Variants in HCN3 observed in about 807,000 individuals in gnomAD.
The protein encoded by HCN3 is hyperpolarization activated cyclic nucleotide gated potassium channel 3.
HCN3 carries 36 observed loss-of-function variants against 56.8 expected under a neutral mutation model. That is an observed-to-expected ratio of 0.63 (90% CI 0.49 to 0.84). HCN3 has a LOEUF of 0.84. Ranked by LOEUF, HCN3 falls within the 40% of genes least tolerant of loss-of-function variation. HCN3 has a pLI of 0.00. For missense variants in HCN3, 930 were observed against 1,079.3 expected, an observed-to-expected ratio of 0.86 and a Z score of 1.94; for synonymous variants, 425 against 439.7, an observed-to-expected ratio of 0.97 and a Z score of 0.42.
At position 155,285,742 on chromosome 1, in the gene HCN3, T is replaced by G. The variant is rs759132143; in HGVS notation, c.1255T>G (p.Cys419Gly). 49 of 1,614,034 alleles carry G rather than the reference T, an allele frequency of 3.0e-5. No homozygotes were observed. The Admixed American group carries it at 3.5e-4, about 12-fold the overall frequency. ...PLREEIINFT[C>G]RGLVAHMPLF... ...TGTCCAGGAGATCATTAACTTCACCTGTCGGGGCCTGGTGGCCCACATGCC... is the reference window on the plus strand; with the variant it reads ...TGTCCAGGAGATCATTAACTTCACCGGTCGGGGCCTGGTGGCCCACATGCC... The change falls in exon 6 of 8, where the codon TGT (cysteine) becomes GGT (glycine). Residue 419 changes from cysteine (C) to glycine (G), a missense_variant. By Grantham distance (159) the Cys-to-Gly change is radical. Coordinates refer to ENST00000368358, the MANE Select transcript of HCN3 (RefSeq NM_020897.3). This position sits in a 1 kb window ranked among gnomAD's most constrained non-coding sequence, Gnocchi z 4.5.
intron 7 of HCN3, 111 bp from the exon 8 acceptor site, chr1:155,287,670 C>A: frequency 1.5e-6 from 2 of 1,353,488 alleles, no homozygotes; most frequent in Non-Finnish European, 2.0e-6. Flanking sequence ...TGACTCCCAT[C>A]CCCTACCCTC....
rs752422015 is a variant in HCN3 at position 155,282,675 on chromosome 1, C to T, written c.543C>T (p.Ile181=). The change falls in exon 2 of 8, where the codon ATC becomes ATT. Residue 181 remains isoleucine (I), a synonymous_variant. Coordinates refer to ENST00000368358, the MANE Select transcript of HCN3 (RefSeq NM_020897.3). This position sits in a 1 kb window ranked among gnomAD's most constrained non-coding sequence, Gnocchi z 4.7. Reference sequence around the variant, plus strand: ...TCCTGGTTGACCTCATCTCTTCTATCCCTGTGGATTACATCTTCCTAGTGG... The same window carrying T: ...TCCTGGTTGACCTCATCTCTTCTATTCCTGTGGATTACATCTTCCTAGTGG... The part of the protein sequence containing the change: ...TWFLVDLISS[I]PVDYIFLVVE... The T allele has an allele frequency of 6.2e-7, 1 of 1,614,238 alleles. No homozygotes were observed. Among genetic ancestry groups the T allele is most frequent in the Non-Finnish European group, 8.5e-7 (1 of 1,180,052 alleles).
At position 155,285,346 on chromosome 1, in the gene HCN3, C is replaced by T; in HGVS notation, c.1236+35C>T. On this transcript the variant is annotated intron_variant, in intron 5 of 7. Coordinates refer to ENST00000368358, the MANE Select transcript of HCN3 (RefSeq NM_020897.3). The surrounding 1 kb of genome is among the most constrained non-coding windows in gnomAD (Gnocchi z 4.5). Reference sequence around the variant, plus strand: ...GGTTGGGCCTGGAAGGGGGGCTCTTCAGGGACCTGGAGTGCTGTCTGGTGG... The same window carrying T: ...GGTTGGGCCTGGAAGGGGGGCTCTTTAGGGACCTGGAGTGCTGTCTGGTGG... 6.2e-7 allele frequency: 1 copy of T among 1,610,188 alleles called. No homozygotes were observed. The highest frequency in any genetic ancestry group is 8.5e-7 in the Non-Finnish European group (1 of 1,177,752).
Position 155,287,819 on chromosome 1 carries a change from C to A in HCN3, c.1681C>A (p.Pro561Thr). Residue 561 changes from proline to threonine, a missense_variant, in exon 8 of 8, where the codon CCA (proline) becomes ACA (threonine). Transcript: ENST00000368358. ...NSILQRKRSEPSPGSSGGIME... is the reference protein window; with the variant it reads ...NSILQRKRSETSPGSSGGIME... ...CATACTGCAGCGGAAGCGCTCCGAG[C>A]CAAGTCCAGGCAGCAGTGGTGGCAT... 6.2e-7 allele frequency: 1 copy of A among 1,605,970 alleles called. No homozygotes were observed. The highest frequency in any genetic ancestry group is 8.5e-7 in the Non-Finnish European group (1 of 1,174,410).
intron 6 of HCN3, 111 bp downstream of exon 6, chr1:155,286,075 G>C (rs1296277162): frequency 2.3e-5 from 33 of 1,418,064 alleles, no homozygotes; most frequent in Non-Finnish European, 2.9e-5. Context: ...CAGAGCTCCA[G>C]CCCCTCCCCA....
In HCN3 at chr1:155,285,925, G is replaced by T; in HGVS notation, c.1438G>T (p.Ala480Ser). ...GCTGCTCAGTGTGCTGGCCCGCGGC[G>T]CCCGGGACACACGCCTCACCGATGG... ...HGLLSVLARG[A>S]RDTRLTDGSY... Residue 480 changes from alanine to serine, a missense_variant, in exon 6 of 8, where the codon GCC becomes TCC. Coordinates refer to ENST00000368358, the MANE Select transcript of HCN3 (RefSeq NM_020897.3). This position sits in a 1 kb window ranked among gnomAD's most constrained non-coding sequence, Gnocchi z 4.5. 1 of 1,605,040 alleles carries T rather than the reference G, an allele frequency of 6.2e-7. No homozygotes were observed. The highest frequency in any genetic ancestry group is 1.7e-5 in the Admixed American group (1 of 59,728).
intron 2 of HCN3, among the ~76,000 whole-genome samples, chr1:155,283,099 A>G (rs1160218227): frequency 1.3e-5 from 2 of 152,082 alleles, no homozygotes; most frequent in African/African-American, 2.4e-5. Context: ...CAGCTGCCGG[A>G]CACACTTTAG....
chr1:155,283,367 T>C (rs1422274163), intron 2 of HCN3, among the ~76,000 whole-genome samples: 1 of 152,100 alleles, frequency 6.6e-6, no homozygotes, highest in African/African-American at 2.4e-5. Flanking sequence ...GTCTAGCACA[T>C]ACTAAGTTCT....
Position 155,288,847 on chromosome 1 carries a change from G to A in HCN3, c.*384G>A, listed in dbSNP as rs538605386. The A allele has an allele frequency of 1.4e-5, 3 of 208,152 alleles. No individual in the cohort carries two copies. The highest frequency in any genetic ancestry group is 5.3e-5 in the Admixed American group (1 of 18,828). 12.9% of individuals were successfully genotyped at this position (208,152 alleles called of 1,614,324 possible). On this transcript the variant is annotated 3_prime_UTR_variant, in exon 8 of 8. Transcript: ENST00000368358. This position sits in a 1 kb window ranked among gnomAD's most constrained non-coding sequence, Gnocchi z 6.5. ...CCACCTTTACTAAGCACAAGTACTTGCCACTGCCATCACTGCCAAGTAACT... is the reference window on the plus strand; with the variant it reads ...CCACCTTTACTAAGCACAAGTACTTACCACTGCCATCACTGCCAAGTAACT...
In HCN3 at chr1:155,282,634, T is replaced by TA. The variant is rs759916758; in HGVS notation, c.503dup (p.Tyr168Ter). 3 of 1,614,146 alleles carry TA rather than the reference T, an allele frequency of 1.9e-6. No individual in the cohort carries two copies. Among genetic ancestry groups the TA allele is most frequent in the Non-Finnish European group, 2.5e-6 (3 of 1,180,056 alleles). ...GGCACCGCGGGCCATCCGCACGCGCTACCTGCGCACCTGGTTCCTGGTTGA... is the reference window on the plus strand; with the variant it reads ...GGCACCGCGGGCCATCCGCACGCGCTAACCTGCGCACCTGGTTCCTGGTTGA... Reference protein sequence around the residue: ...LLAPRAIRTRYLRTWFLVDLI... With the variant: ...LLAPRAIRTR Residue 168 changes from tyrosine to a stop codon, truncating the protein, a stop_gained and frameshift_variant, in exon 2 of 8, where the codon TAC (tyrosine) becomes TAAC (stop). Coordinates refer to ENST00000368358, the MANE Select transcript of HCN3 (RefSeq NM_020897.3). LOFTEE classifies it high-confidence loss of function. This position sits in a 1 kb window ranked among gnomAD's most constrained non-coding sequence, Gnocchi z 4.7.
Position 155,282,386 on chromosome 1 carries a change from A to C in HCN3, c.279-25A>C, listed in dbSNP as rs746773658. On this transcript the variant is annotated intron_variant, in intron 1 of 7. Transcript: ENST00000368358. The surrounding 1 kb of genome is among the most constrained non-coding windows in gnomAD (Gnocchi z 4.7). ...GCTGGTGAAATATCCTCATGGTCTT[A>C]CTCCTCATCTCACTCCCACCTTAGG... 6.2e-7 allele frequency: 1 copy of C among 1,608,056 alleles called. No homozygotes were observed.
In HCN3 at chr1:155,285,778, C is replaced by T; in HGVS notation, c.1291C>T (p.His431Tyr). Residue 431 changes from histidine (H) to tyrosine (Y), a missense_variant, in exon 6 of 8, where the codon CAT (histidine) becomes TAT (tyrosine). By Grantham distance (83) the His-to-Tyr change is moderately conservative. Coordinates refer to ENST00000368358, the MANE Select transcript of HCN3 (RefSeq NM_020897.3). The surrounding 1 kb of genome is among the most constrained non-coding windows in gnomAD (Gnocchi z 4.5). The part of the protein sequence containing the change: ...GLVAHMPLFA[H>Y]ADPSFVTAVL... Reference sequence around the variant, plus strand: ...GGTGGCCCACATGCCGCTGTTTGCCCATGCCGACCCCAGCTTCGTCACTGC... The same window carrying T: ...GGTGGCCCACATGCCGCTGTTTGCCTATGCCGACCCCAGCTTCGTCACTGC... The T allele has an allele frequency of 6.2e-7, 1 of 1,614,164 alleles. No homozygotes were observed. The highest frequency in any genetic ancestry group is 8.5e-7 in the Non-Finnish European group (1 of 1,180,008).
chr1:155,286,249 C>T (rs1372300481), intron 6 of HCN3, among the ~76,000 whole-genome samples: 1 of 152,138 alleles, frequency 6.6e-6, no homozygotes, highest in Non-Finnish European at 1.5e-5. Flanking sequence ...GGGTTCACGC[C>T]ATTCTCCTGC....
At position 155,288,432 on chromosome 1, in the gene HCN3, C is replaced by G. The variant is rs2148190609; in HGVS notation, c.2294C>G (p.Pro765Arg). Residue 765 changes from proline to arginine, a missense_variant, in exon 8 of 8, where the codon CCC (proline) becomes CGC (arginine). Pro to Arg is a moderately radical substitution (Grantham distance 103, BLOSUM62 -2). Transcript: ENST00000368358. This position sits in a 1 kb window ranked among gnomAD's most constrained non-coding sequence, Gnocchi z 6.5. ...PRPPVPEPAT[P>R]RGLQLSANM ...CCACCAGTGCCTGAGCCAGCCACAC[C>G]CCGGGGTCTCCAGCTTTCTGCCAAC... 1 of 1,606,418 alleles carries G rather than the reference C, an allele frequency of 6.2e-7. No individual in the cohort carries two copies. Among genetic ancestry groups the G allele is most frequent in the Non-Finnish European group, 8.5e-7 (1 of 1,176,902 alleles).
chr1:155,281,589 A>T (rs542337411), intron 1 of HCN3, among the ~76,000 whole-genome samples: 1 of 150,838 alleles, frequency 6.6e-6, no homozygotes, highest in South Asian at 2.1e-4. Context: ...GATTGGTCTC[A>T]AACTCCTGAC....
In HCN3 at chr1:155,277,537, C is replaced by T. The variant is rs1673853632; in HGVS notation, c.-54C>T. The T allele has an allele frequency of 2.0e-6, 3 of 1,503,016 alleles. No individual in the cohort carries two copies. The highest frequency in any genetic ancestry group is 1.4e-5 in the African/African-American group (1 of 72,458). 93.1% of individuals were successfully genotyped at this position (1,503,016 alleles called of 1,614,324 possible). ...TCCTGCTCTGGAGGGGTTGCGGGTA[C>T]CTGATGGCCACAGAGGGCTCTAGGA... is the stretch of plus-strand genomic sequence containing the variant. On this transcript the variant is annotated 5_prime_UTR_variant, in exon 1 of 8. Coordinates refer to ENST00000368358, the MANE Select transcript of HCN3 (RefSeq NM_020897.3).
In HCN3 at chr1:155,287,186, A is replaced by C; in HGVS notation, c.1491A>C (p.Leu497=). The C allele has an allele frequency of 6.2e-7, 1 of 1,613,284 alleles. No individual in the cohort carries two copies. The highest frequency in any genetic ancestry group is 1.7e-5 in the Admixed American group (1 of 60,018). Residue 497 remains leucine (L), a synonymous_variant, in exon 7 of 8, where the codon CTA becomes CTC. Coordinates refer to ENST00000368358, the MANE Select transcript of HCN3 (RefSeq NM_020897.3). The part of the protein sequence containing the change: ...DGSYFGEICL[L]TRGRRTASVR... ...CAATTTCTGCAGAGATCTGCCTGCTAACTAGGGGCCGGCGCACAGCCAGTG... is the reference window on the plus strand; with the variant it reads ...CAATTTCTGCAGAGATCTGCCTGCTCACTAGGGGCCGGCGCACAGCCAGTG...
chr1:155,284,291 CAG>C lies in HCN3; in HGVS notation c.870+158_870+159del. ...GGAGGGAGGAAAGGGGAAGGAGACC[CAG>C]AAGAAGTGCTCGTGTGTTGGAGGGA... On this transcript the variant is annotated intron_variant, in intron 3 of 7. Transcript: ENST00000368358. This position sits in a 1 kb window ranked among gnomAD's most constrained non-coding sequence, Gnocchi z 4.3. The C allele has an allele frequency of 1.1e-6, 1 of 928,724 alleles. No individual in the cohort carries two copies. 57.5% of individuals were successfully genotyped at this position (928,724 alleles called of 1,614,324 possible).
At chr1:155,280,652 A>G (rs1490526587) in intron 1 of HCN3, among the ~76,000 whole-genome samples, 2 of 141,916 alleles carry the variant, frequency 1.4e-5, no homozygotes, top group African/African-American at 2.6e-5. Flanking sequence ...GTTAGCCAGG[A>G]TGGTCTCAAT....
Sources: allele counts gnomAD v4.1 joint callset (sites outside exome capture counted in the v4.1 genomes callset), GRCh38; gene constraint gnomAD v4.1.1; non-coding constraint Gnocchi (gnomAD v3.1); transcripts MANE v1.5; gene names NCBI Gene and HGNC (gene_info 2026-07-23, HGNC 2026-07-21).